The following ST8SIA6 variants were observed in gnomAD, a reference collection of about 807,000 sequenced individuals.
The protein encoded by ST8SIA6 is alpha-2,8-sialyltransferase 8F.
A neutral mutation model predicts 33.6 loss-of-function variants in ST8SIA6; 39 were observed. That is an observed-to-expected ratio of 1.16 (90% CI 0.90 to 1.52). The LOEUF (loss-of-function observed/expected upper bound fraction) is 1.52, where lower values mean the gene tolerates loss of function less well. ST8SIA6 is among the 40% of genes most tolerant of loss of function. The probability of loss-of-function intolerance (pLI) is 0.00; values close to 1 mark genes in which losing one functional copy is unlikely to be tolerated. For missense variants in ST8SIA6, 441 were observed against 443.8 expected, an observed-to-expected ratio of 0.99 and a Z score of 0.06; for synonymous variants, 172 against 167.2, an observed-to-expected ratio of 1.03 and a Z score of -0.22.
intron 3 of ST8SIA6, among the ~76,000 whole-genome samples, chr10:17,384,990 C>T (rs529981507): frequency 1.3e-5 from 2 of 152,060 alleles, no homozygotes; most frequent in South Asian, 4.2e-4. Context: ...AATCTGAAAC[C>T]AGAGAGTCTG....
intron 6 of ST8SIA6, among the ~76,000 whole-genome samples, chr10:17,325,893 A>G (rs1341325618): frequency 6.6e-6 from 1 of 152,174 alleles, no homozygotes; most frequent in Non-Finnish European, 1.5e-5. Flanking sequence ...TGTATTGCCT[A>G]TACTTGCTAT....
intron 6 of ST8SIA6, among the ~76,000 whole-genome samples, chr10:17,325,556 T>A (rs11816574): frequency 6.6e-6 from 1 of 151,642 alleles, no homozygotes; most frequent in Admixed American, 6.6e-5. Context: ...GTATATATAG[T>A]CATTGCCTAT....
chr10:17,438,520 C>G (rs2131732011), intron 2 of ST8SIA6, among the ~76,000 whole-genome samples: 1 of 152,030 alleles, frequency 6.6e-6, no homozygotes, highest in South Asian at 2.1e-4. Context: ...CCAAATAGGA[C>G]ACATATCTCA....
Position 17,318,197 on chromosome 10 carries a change from A to G in ST8SIA6, c.*2681T>C, listed in dbSNP as rs1473179441. 6.6e-6 allele frequency among the ~76,000 whole-genome samples: 1 copy of G among 151,778 alleles called. No individual in the cohort carries two copies. The highest frequency in any genetic ancestry group is 6.6e-5 in the Admixed American group (1 of 15,228). On this transcript the variant is annotated 3_prime_UTR_variant, in exon 8 of 8. Transcript: ENST00000377602. ...GTAGTATGCAGCGTTATGAGCTAGAATCCTAACTAAAGGGCTACTTTTTTT... is the reference window on the plus strand; with the variant it reads ...GTAGTATGCAGCGTTATGAGCTAGAGTCCTAACTAAAGGGCTACTTTTTTT...
intron 2 of ST8SIA6, among the ~76,000 whole-genome samples, chr10:17,429,210 G>T (rs531788830): frequency 4.6e-5 from 7 of 151,906 alleles, no homozygotes; most frequent in African/African-American, 1.7e-4. Flanking sequence ...CATTTATACT[G>T]CCAGTTTTTC....
chr10:17,352,939 A>G (rs1465504839), intron 4 of ST8SIA6, among the ~76,000 whole-genome samples: 2 of 152,110 alleles, frequency 1.3e-5, no homozygotes, highest in Admixed American at 1.3e-4. Flanking sequence ...CAAATCACCT[A>G]TCATAAAGTA....
intron 2 of ST8SIA6, among the ~76,000 whole-genome samples, chr10:17,408,995 C>T (rs562485880): frequency 1.3e-5 from 2 of 149,744 alleles, no homozygotes; most frequent in Non-Finnish European, 3.0e-5. Context: ...ATTGGTCAGG[C>T]TGGTCTCAAA....
rs142987430 is a variant in ST8SIA6 at position 17,350,163 on chromosome 10, A to T, written c.377+9351T>A. Among the ~76,000 whole-genome samples the T allele has an allele frequency of 7.7e-3, 1,169 of 152,294 alleles. 14 individuals are homozygous for T. The highest frequency in any genetic ancestry group is 0.038 in the Admixed American group (576 of 15,292). ...TCCCTCCAGTTATTGGGCAAGAAGTAGATGAGAAGGATTCATCGTGGTTCA... is the reference window on the plus strand; with the variant it reads ...TCCCTCCAGTTATTGGGCAAGAAGTTGATGAGAAGGATTCATCGTGGTTCA... On this transcript the variant is annotated intron_variant, in intron 4 of 7. Transcript: ENST00000377602.
chr10:17,411,330 C>A (rs1851442008), intron 2 of ST8SIA6, among the ~76,000 whole-genome samples: 1 of 152,030 alleles, frequency 6.6e-6, no homozygotes, highest in Non-Finnish European at 1.5e-5. Flanking sequence ...ATTATAGGTG[C>A]CCACCACCAC....
At chr10:17,340,206 G>T (rs1453753562) in intron 4 of ST8SIA6, among the ~76,000 whole-genome samples, 1 of 152,086 alleles carries the variant, frequency 6.6e-6, no homozygotes. Flanking sequence ...CTTGCCCCTA[G>T]TTTCCGTAAA....
intron 2 of ST8SIA6, among the ~76,000 whole-genome samples, chr10:17,418,874 T>C (rs753889911): frequency 1.3e-5 from 2 of 151,232 alleles, no homozygotes; most frequent in Admixed American, 6.6e-5. Context: ...GTGCTTGTAA[T>C]TCCAGCTACT....
At chr10:17,441,441 T>G (rs1852489586) in intron 2 of ST8SIA6, among the ~76,000 whole-genome samples, 1 of 152,036 alleles carries the variant, frequency 6.6e-6, no homozygotes, top group Non-Finnish European at 1.5e-5. Context: ...GCCTCCCAAG[T>G]AGCTCGGATG....
chr10:17,418,941 G>C (rs1009856410), intron 2 of ST8SIA6, among the ~76,000 whole-genome samples: 5 of 136,936 alleles, frequency 3.7e-5, no homozygotes, highest in African/African-American at 1.4e-4. Context: ...TGCAGTGAGC[G>C]GAGATCGTGC....
chr10:17,412,136 G>A (rs946912971), intron 2 of ST8SIA6, among the ~76,000 whole-genome samples: 3 of 151,896 alleles, frequency 2.0e-5, no homozygotes, highest in South Asian at 2.1e-4. Context: ...TTCACCTTTG[G>A]GGATCCCTCT....
intron 4 of ST8SIA6, among the ~76,000 whole-genome samples, chr10:17,346,031 T>C (rs747470054): frequency 8.5e-5 from 13 of 152,190 alleles, no homozygotes; most frequent in Non-Finnish European, 1.3e-4. Context: ...TCATAGAAAG[T>C]GTTGTGGCTT....
At chr10:17,449,049 T>C (rs1028230209) in intron 2 of ST8SIA6, among the ~76,000 whole-genome samples, 1 of 151,128 alleles carries the variant, frequency 6.6e-6, no homozygotes, top group African/African-American at 2.4e-5. Context: ...AGTTCTAAAA[T>C]GTAATTATAA....
At chr10:17,335,562 T>G (rs1588796984) in intron 4 of ST8SIA6, among the ~76,000 whole-genome samples, 1 of 152,198 alleles carries the variant, frequency 6.6e-6, no homozygotes, top group Non-Finnish European at 1.5e-5. Context: ...AAATAGTATA[T>G]CCTTCTTAAT....
At chr10:17,402,722 A>G (rs941290565) in intron 2 of ST8SIA6, among the ~76,000 whole-genome samples, 57 of 152,156 alleles carry the variant, frequency 3.7e-4, no homozygotes, top group African/African-American at 1.2e-3. Context: ...GGAATTGAAC[A>G]ATGAGAACAC....
intron 2 of ST8SIA6, among the ~76,000 whole-genome samples, chr10:17,397,187 C>T (rs1346474765): frequency 6.6e-6 from 1 of 151,396 alleles, no homozygotes; most frequent in Non-Finnish European, 1.5e-5. Context: ...TCAGCTCCAT[C>T]CTCATTTTCT....
Sources: gnomAD v4.1 joint callset for allele counts (sites outside exome capture counted in the v4.1 genomes callset) on GRCh38, gnomAD v4.1.1 for gene constraint, MANE v1.5 for transcripts, NCBI Gene and HGNC (gene_info 2026-07-23, HGNC 2026-07-21) for gene names.